Variants in RPTOR observed in about 807,000 individuals in gnomAD.
RPTOR encodes regulatory-associated protein of mTOR.
RPTOR carries 21 observed loss-of-function variants against 169.9 expected under a neutral mutation model. The ratio of observed to expected loss-of-function variants is 0.12; its 90% CI spans 0.09 to 0.18. The LOEUF is 0.18. Ranked by LOEUF, RPTOR falls within the 10% of genes least tolerant of loss-of-function variation. The probability of loss-of-function intolerance (pLI) is 1.00; values close to 1 mark genes in which losing one functional copy is unlikely to be tolerated. For synonymous variants in RPTOR, 732 were observed against 753.2 expected, an observed-to-expected ratio of 0.97 and a Z score of 0.46; for missense variants, 1,133 against 1,855.9, an observed-to-expected ratio of 0.61 and a Z score of 7.16.
rs1050897223 is a variant in RPTOR, at chr17:80,943,797, A to T, written c.3026-1870A>T. On this transcript the variant is annotated intron_variant, in intron 25 of 33. Transcript: ENST00000306801. ...GAGCCAGTCAGGTGAGGACACGGTT[A>T]GTAAGAGCCAGTCAGGTGAGGACAC... Among the ~76,000 whole-genome samples, 3 of 152,266 alleles carry T rather than the reference A, an allele frequency of 2.0e-5. No homozygotes were observed. The East Asian group carries it at 5.8e-4, about 29-fold the overall frequency.
chr17:80,933,881 C>T (rs547607852), intron 24 of RPTOR, among the ~76,000 whole-genome samples: 3 of 152,328 alleles, frequency 2.0e-5, no homozygotes, highest in East Asian at 1.9e-4. Flanking sequence ...TACTACCCAG[C>T]GTCATTTGAT....
intron 7 of RPTOR, among the ~76,000 whole-genome samples, chr17:80,793,476 A>G (rs957973845): frequency 2.6e-5 from 4 of 152,052 alleles, no homozygotes; most frequent in African/African-American, 7.2e-5. Flanking sequence ...GGCTATTTCC[A>G]TGGTTTCCTC....
At chr17:80,840,610 TCAC>T (rs35184984) in intron 10 of RPTOR, among the ~76,000 whole-genome samples, 28,831 of 64,334 alleles carry the variant, frequency 0.45, 7,911 homozygotes, top group Admixed American at 0.53. Flanking sequence ...CAGCTCACTC[TCAC>T]CACACCACAG....
intron 5 of RPTOR, among the ~76,000 whole-genome samples, chr17:80,747,719 C>T (rs545790096): frequency 3.3e-5 from 5 of 152,346 alleles, no homozygotes; most frequent in African/African-American, 7.2e-5. Context: ...GTCTCTCCAC[C>T]GGACAAGACA....
rs558988872 is a variant in RPTOR, at chr17:80,786,253, A to G, written c.831-5197A>G. Among the ~76,000 whole-genome samples the G allele has an allele frequency of 7.2e-5, 11 of 152,356 alleles. No individual in the cohort carries two copies. In the East Asian group the frequency reaches 2.1e-3, roughly 29 times the overall value. On this transcript the variant is annotated intron_variant, in intron 6 of 33. Coordinates refer to ENST00000306801, the MANE Select transcript of RPTOR (RefSeq NM_020761.3). Reference sequence around the variant, plus strand: ...AGCATGATTCAGTGTTGTGTAAAAGATAAATATGAAAATGCTAAGCTATCT... The same window carrying G: ...AGCATGATTCAGTGTTGTGTAAAAGGTAAATATGAAAATGCTAAGCTATCT...
intron 4 of RPTOR, among the ~76,000 whole-genome samples, chr17:80,727,089 C>T (rs775289941): frequency 4.0e-5 from 6 of 151,870 alleles, no homozygotes; most frequent in East Asian, 1.9e-4. Context: ...AGAACGTGGA[C>T]GCTGCACCTC....
At chr17:80,690,156 T>A (rs561738189) in intron 3 of RPTOR, among the ~76,000 whole-genome samples, 160 of 152,286 alleles carry the variant, frequency 1.1e-3, no homozygotes, top group African/African-American at 3.8e-3. Flanking sequence ...TCATCTATCT[T>A]CAGTCATTTT....
chr17:80,671,824 A>G (rs761870280), intron 3 of RPTOR, among the ~76,000 whole-genome samples: 3 of 152,126 alleles, frequency 2.0e-5, no homozygotes, highest in Non-Finnish European at 2.9e-5. Context: ...GGGGAAAAGG[A>G]TTGTGGTGTG....
chr17:80,730,458 C>T lies in RPTOR; in HGVS notation c.508-102C>T, dbSNP rs557910734. ...AAGGCTAACTCAGCGTCTCTCCAGC[C>T]ACCAGGCTCAATGTGTGTGCCTTTT... On this transcript the variant is annotated intron_variant, in intron 4 of 33. Coordinates refer to ENST00000306801, the MANE Select transcript of RPTOR (RefSeq NM_020761.3). This position sits in a 1 kb window ranked among gnomAD's most constrained non-coding sequence, Gnocchi z 4.2. The T allele has an allele frequency of 1.0e-5, 14 of 1,346,248 alleles. No homozygotes were observed. The East Asian group carries it at 1.9e-4, about 18-fold the overall frequency. The allele number at this position is 1,346,248 out of a possible 1,614,324, so 83.4% of individuals were successfully genotyped here. A position where few individuals can be genotyped will look rare whatever the true frequency, so the allele number is the denominator to read the frequency against.
Position 80,855,457 on chromosome 17 carries a change from C to T in RPTOR, c.1315-7C>T, listed in dbSNP as rs2067841912. On this transcript the variant is annotated splice_polypyrimidine_tract_variant and splice_region_variant and intron_variant, in intron 11 of 33. Transcript: ENST00000306801. ...GCAGTGATACCATTTTCTTCTTGTT[C>T]TTCCAGGTGCTGTTAAGCCAAGTGC... 6.2e-7 allele frequency: 1 copy of T among 1,610,140 alleles called. No homozygotes were observed. The highest frequency in any genetic ancestry group is 8.5e-7 in the Non-Finnish European group (1 of 1,176,568).
intron 11 of RPTOR, among the ~76,000 whole-genome samples, chr17:80,850,148 G>C (rs76524369): frequency 0.1 from 15,772 of 152,134 alleles, 859 homozygotes; most frequent in East Asian, 0.18. Flanking sequence ...CTAGGCTTTG[G>C]GTGAACCTGC....
chr17:80,735,872 T>C (rs993217770), intron 5 of RPTOR, among the ~76,000 whole-genome samples: 3 of 152,064 alleles, frequency 2.0e-5, no homozygotes, highest in African/African-American at 7.2e-5. Context: ...AGAAGAGTCT[T>C]GTATGAAAGT....
At position 80,826,464 on chromosome 17, in the gene RPTOR, C is replaced by T. The variant is rs1265172321; in HGVS notation, c.1136+3241C>T. 2.6e-5 allele frequency among the ~76,000 whole-genome samples: 4 copies of T among 152,238 alleles called. No homozygotes were observed. The South Asian group carries it at 6.2e-4, about 24-fold the overall frequency. Reference sequence around the variant, plus strand: ...GTCTGGACTAGAAGAGAGCAGCCAGCGGCACCCGGCCACTGTAGCGGTCAC... The same window carrying T: ...GTCTGGACTAGAAGAGAGCAGCCAGTGGCACCCGGCCACTGTAGCGGTCAC... On this transcript the variant is annotated intron_variant, in intron 9 of 33. Transcript: ENST00000306801.
intron 2 of RPTOR, among the ~76,000 whole-genome samples, chr17:80,632,646 A>G (rs1332774368): frequency 6.6e-6 from 1 of 152,196 alleles, no homozygotes; most frequent in Non-Finnish European, 1.5e-5. Flanking sequence ...TAAGTTGGAA[A>G]AATTTTATTT....
intron 13 of RPTOR, among the ~76,000 whole-genome samples, chr17:80,875,356 G>C (rs2068095324): frequency 6.6e-6 from 1 of 152,080 alleles, no homozygotes; most frequent in Non-Finnish European, 1.5e-5. Context: ...TTCCCACTTT[G>C]TGTTTGCTCT....
intron 10 of RPTOR, among the ~76,000 whole-genome samples, chr17:80,839,208 T>C (rs940875268): frequency 3.3e-5 from 5 of 152,236 alleles, no homozygotes; most frequent in Non-Finnish European, 7.3e-5. Context: ...TGGGGTGTTT[T>C]AACTCCTCAG....
At chr17:80,807,870 T>C (rs72853728) in intron 7 of RPTOR, among the ~76,000 whole-genome samples, 16,033 of 152,242 alleles carry the variant, frequency 0.11, 1,088 homozygotes, top group South Asian at 0.15. Context: ...CTTCCCATTG[T>C]TACAACTCTT....
At position 80,936,432 on chromosome 17, in the gene RPTOR, A is replaced by G. The variant is rs28449318; in HGVS notation, c.2920-4064A>G. 0.022 allele frequency among the ~76,000 whole-genome samples: 3,342 copies of G among 152,346 alleles called. 127 individuals carry two copies. The highest frequency in any genetic ancestry group is 0.076 in the African/African-American group (3,165 of 41,568). On this transcript the variant is annotated intron_variant, in intron 24 of 33. Coordinates refer to ENST00000306801, the MANE Select transcript of RPTOR (RefSeq NM_020761.3). The surrounding 1 kb of genome is among the most constrained non-coding windows in gnomAD (Gnocchi z 4.1). ...ATAGTGACTGTATTCATAGTCACCAAAAACTGGAAACAACCCAAGTTTCCT... is the reference window on the plus strand; with the variant it reads ...ATAGTGACTGTATTCATAGTCACCAGAAACTGGAAACAACCCAAGTTTCCT...
At chr17:80,643,835 C>A (rs1417162661) in intron 3 of RPTOR, 25 bp downstream of exon 3, 1 of 1,570,028 alleles carries the variant, frequency 6.4e-7, no homozygotes, top group Non-Finnish European at 8.8e-7. Flanking sequence ...CTTGCTCTTC[C>A]CTTTCCTTCT....
Sources: gnomAD v4.1 joint callset for allele counts (sites outside exome capture counted in the v4.1 genomes callset) on GRCh38, gnomAD v4.1.1 for gene constraint, Gnocchi (gnomAD v3.1) non-coding constraint, MANE v1.5 for transcripts, NCBI Gene and HGNC (gene_info 2026-07-23, HGNC 2026-07-21) for gene names.